Variants in EDAR observed in about 807,000 individuals in gnomAD.
The protein encoded by EDAR is ectodysplasin A receptor, also known as tumor necrosis factor receptor superfamily member EDAR.
A neutral mutation model predicts 51.3 loss-of-function variants in EDAR; 38 were observed. The ratio of observed to expected loss-of-function variants is 0.74; its 90% CI spans 0.57 to 0.97. The LOEUF (loss-of-function observed/expected upper bound fraction) is 0.97. EDAR is among the 50% of genes least tolerant of loss of function. The probability of loss-of-function intolerance (pLI) is 0.00; values close to 1 mark genes in which losing one functional copy is unlikely to be tolerated. For missense variants in EDAR, 528 were observed against 595.0 expected, an observed-to-expected ratio of 0.89 and a Z score of 1.17; for synonymous variants, 227 against 242.1, an observed-to-expected ratio of 0.94 and a Z score of 0.58.
At chr2:108,930,277 C>T in intron 2 of EDAR, 35 bp from the exon 3 acceptor site, 1 of 1,613,766 alleles carries the variant, frequency 6.2e-7, no homozygotes, top group Non-Finnish European at 8.5e-7. Context: ...GCCTCCGTAC[C>T]TCCTTAGAAA....
chr2:108,956,282 C>G (rs1697924263), intron 1 of EDAR, among the ~76,000 whole-genome samples: 1 of 152,166 alleles, frequency 6.6e-6, no homozygotes, highest in South Asian at 2.1e-4. Context: ...TGGAGATACC[C>G]TTTTTATACA....
chr2:108,961,609 T>A (rs1698047620), intron 1 of EDAR, among the ~76,000 whole-genome samples: 1 of 152,218 alleles, frequency 6.6e-6, no homozygotes, highest in African/African-American at 2.4e-5. Flanking sequence ...AAAAAAGCAC[T>A]CACTGGCAGA....
At chr2:108,965,464 C>A (rs1158327538) in intron 1 of EDAR, among the ~76,000 whole-genome samples, 308 of 137,262 alleles carry the variant, frequency 2.2e-3, no homozygotes, top group Middle Eastern at 8.1e-3. Flanking sequence ...GATTTCGTCT[C>A]AAAAAAAAAA....
intron 5 of EDAR, among the ~76,000 whole-genome samples, chr2:108,919,799 T>G (rs1345141735): frequency 1.3e-5 from 2 of 152,214 alleles, no homozygotes. Flanking sequence ...CTCCCCGCAC[T>G]ACGAAGCTGC....
rs73952554 is a variant in EDAR, at chr2:108,935,661, C to T, written c.-18-4629G>A. Among the ~76,000 whole-genome samples, 309 of 152,276 alleles carry T rather than the reference C, an allele frequency of 2.0e-3. 1 individual carries two copies. Among genetic ancestry groups the T allele is most frequent in the African/African-American group, 6.8e-3 (283 of 41,546 alleles). On this transcript the variant is annotated intron_variant, in intron 1 of 11. Transcript: ENST00000258443. The stretch of plus-strand genomic sequence containing the variant: ...GCACCCCTTTTCACACACACACACA[C>T]GCAGACTCTGCACTAGACACCGATT...
At chr2:108,933,715 G>A (rs1697414038) in intron 1 of EDAR, among the ~76,000 whole-genome samples, 1 of 152,180 alleles carries the variant, frequency 6.6e-6, no homozygotes, top group South Asian at 2.1e-4. Flanking sequence ...TGGTGAACTC[G>A]CTGGGTGTTT....
chr2:108,935,169 G>A (rs1450681567), intron 1 of EDAR, among the ~76,000 whole-genome samples: 2 of 152,112 alleles, frequency 1.3e-5, no homozygotes, highest in South Asian at 2.1e-4. Flanking sequence ...TCTCTTCCCC[G>A]ACCTGCTCTC....
At chr2:108,933,461 C>A (rs1224980065) in intron 1 of EDAR, among the ~76,000 whole-genome samples, 2 of 152,140 alleles carry the variant, frequency 1.3e-5, no homozygotes, top group African/African-American at 4.8e-5. Flanking sequence ...GGGTCACTGG[C>A]AAAGCACAGC....
At chr2:108,944,118 A>G (rs1044192527) in intron 1 of EDAR, among the ~76,000 whole-genome samples, 2 of 152,092 alleles carry the variant, frequency 1.3e-5, no homozygotes, top group Non-Finnish European at 2.9e-5. Flanking sequence ...CAGGAATGGT[A>G]TATTCTTTTT....
chr2:108,942,817 C>T (rs751347797), intron 1 of EDAR, among the ~76,000 whole-genome samples: 1 of 152,246 alleles, frequency 6.6e-6, no homozygotes, highest in African/African-American at 2.4e-5. Flanking sequence ...GAAAACTCAA[C>T]AGCAGCAACA....
chr2:108,956,820 T>C (rs1697936068), intron 1 of EDAR, among the ~76,000 whole-genome samples: 1 of 152,080 alleles, frequency 6.6e-6, no homozygotes, highest in Non-Finnish European at 1.5e-5. Flanking sequence ...AGAGTTTTTG[T>C]TCTTGTTGCC....
rs1028928428 is a variant in EDAR at position 108,895,148 on chromosome 2, A to AACAG, written c.*1755_*1758dup. ...CAAATAGGTTCGAAAAACAGCAGCA[A>AACAG]ACAGACACAGTAAATGATGATATTA... On this transcript the variant is annotated 3_prime_UTR_variant, in exon 12 of 12. Transcript: ENST00000258443. 2.0e-5 allele frequency: 3 copies of AACAG among 152,686 alleles called. No individual in the cohort carries two copies. Among genetic ancestry groups the AACAG allele is most frequent in the Admixed American group, 2.0e-4 (3 of 15,286 alleles). 9.5% of individuals were successfully genotyped at this position (152,686 alleles called of 1,614,324 possible).
chr2:108,946,281 C>T (rs1365337184), intron 1 of EDAR, among the ~76,000 whole-genome samples: 1 of 152,194 alleles, frequency 6.6e-6, no homozygotes, highest in African/African-American at 2.4e-5. Context: ...ATGTCAGTAC[C>T]TACGGGTGAC....
rs1251656516 is a variant in EDAR at position 108,907,911 on chromosome 2, C to T, written c.912G>A (p.Ser304=). 1.3e-5 allele frequency: 21 copies of T among 1,613,694 alleles called. No individual in the cohort carries two copies. The highest frequency in any genetic ancestry group is 1.8e-5 in the Non-Finnish European group (21 of 1,180,032). The stretch of plus-strand genomic sequence containing the variant: ...ACTTCTCCCTGGCCAGGTGAACCAG[C>T]GACAGCAGGCACAGCTCCGGGGAGC... ...KQGSPELCLL[S]LVHLAREKSA... The change falls in exon 10 of 12, where the codon TCG becomes TCA. Residue 304 remains serine, a synonymous_variant. Transcript: ENST00000258443.
intron 1 of EDAR, among the ~76,000 whole-genome samples, chr2:108,936,202 T>C (rs1697465479): frequency 6.6e-6 from 1 of 152,252 alleles, no homozygotes; most frequent in Non-Finnish European, 1.5e-5. Context: ...GGGAAGCAGC[T>C]GAGGCCAGGT....
At chr2:108,977,081 T>C (rs1180996666) in intron 1 of EDAR, among the ~76,000 whole-genome samples, 1 of 152,158 alleles carries the variant, frequency 6.6e-6, no homozygotes, top group African/African-American at 2.4e-5. Flanking sequence ...ACCTGTGCTG[T>C]GATCAGGACG....
At chr2:108,901,657 T>C (rs1318845856) in intron 11 of EDAR, among the ~76,000 whole-genome samples, 1 of 152,142 alleles carries the variant, frequency 6.6e-6, no homozygotes, top group Non-Finnish European at 1.5e-5. Context: ...GATAATAAGA[T>C]AAAACTTGCA....
intron 5 of EDAR, among the ~76,000 whole-genome samples, chr2:108,917,841 G>A (rs1191944133): frequency 6.6e-6 from 1 of 152,150 alleles, no homozygotes; most frequent in Non-Finnish European, 1.5e-5. Context: ...TGTGGTTTGA[G>A]GGCAGCTAAT....
chr2:108,896,741 A>G lies in EDAR; in HGVS notation c.*166T>C, dbSNP rs1215023101. The G allele has an allele frequency of 6.0e-6, 4 of 663,770 alleles. No homozygotes were observed. In the African/African-American group the frequency reaches 7.3e-5, roughly 12 times the overall value. 41.1% of individuals were successfully genotyped at this position (663,770 alleles called of 1,614,324 possible). ...GCTCTAGTCCTTTATCTTTGGTTAA[A>G]TTGGAAGACAGGCCTTATTTCGTCT... On this transcript the variant is annotated 3_prime_UTR_variant, in exon 12 of 12. Transcript: ENST00000258443.
Sources: allele counts gnomAD v4.1 joint callset (sites outside exome capture counted in the v4.1 genomes callset), GRCh38; gene constraint gnomAD v4.1.1; transcripts MANE v1.5; gene names NCBI Gene and HGNC (gene_info 2026-07-23, HGNC 2026-07-21).